Variants in VIRMA observed in about 807,000 individuals in gnomAD.
VIRMA encodes vir like m6A methyltransferase associated, also known as protein virilizer homolog.
VIRMA carries 65 observed loss-of-function variants against 182.4 expected under a neutral mutation model. The observed-to-expected ratio is 0.36, with a 90% CI of 0.29 to 0.44. The LOEUF is 0.44. Among genes scored for constraint, VIRMA ranks in the 20% least tolerant of loss-of-function variants. VIRMA has a pLI of 1.00. For missense variants in VIRMA, 1,752 were observed against 2,158.1 expected (o/e 0.81, Z 3.73); for synonymous variants, 709 against 743.1 (o/e 0.95, Z 0.75).
At chr8:94,547,324 T>C (rs1426371110) in intron 1 of VIRMA, among the ~76,000 whole-genome samples, 3 of 151,196 alleles carry the variant, frequency 2.0e-5, no homozygotes, top group Admixed American at 6.6e-5. Context: ...GGAAGGTTCA[T>C]GATCAGGAAA....
intron 2 of VIRMA, among the ~76,000 whole-genome samples, chr8:94,538,860 C>T (rs1049349776): frequency 2.6e-5 from 4 of 152,084 alleles, no homozygotes; most frequent in African/African-American, 9.7e-5. Flanking sequence ...GAGATTCACC[C>T]GTCTCAGCCT....
At chr8:94,530,357 C>T (rs1050464094) in intron 6 of VIRMA, among the ~76,000 whole-genome samples, 12 of 151,762 alleles carry the variant, frequency 7.9e-5, no homozygotes, top group Non-Finnish European at 4.4e-5. Flanking sequence ...ATTAGCCAGG[C>T]GTGGTGGTAT....
At chr8:94,499,586 C>G in intron 16 of VIRMA, 80 bp from the exon 17 acceptor site, 1 of 1,024,956 alleles carries the variant, frequency 9.8e-7, no homozygotes, top group Non-Finnish European at 1.4e-6. Context: ...GAACTCACTT[C>G]AGACAGAATA....
At chr8:94,508,325 C>T (rs890631864) in intron 15 of VIRMA, among the ~76,000 whole-genome samples, 1 of 152,102 alleles carries the variant, frequency 6.6e-6, no homozygotes, top group African/African-American at 2.4e-5. Flanking sequence ...ATCTCGTGAT[C>T]CACCCATCTC....
At chr8:94,496,762 G>A in intron 17 of VIRMA, 2 of 282,756 alleles carry the variant, frequency 7.1e-6, no homozygotes, top group Admixed American at 1.0e-4. Flanking sequence ...TGTAGGACGT[G>A]ACACACTGAT....
At chr8:94,546,758 T>C in intron 1 of VIRMA, 1 of 372,986 alleles carries the variant, frequency 2.7e-6, no homozygotes, top group South Asian at 2.0e-5. Flanking sequence ...TGTATCATTC[T>C]TACGCCTTTG....
rs1439033369 is a variant in VIRMA at position 94,492,783 on chromosome 8, G to A, written c.4677C>T (p.Cys1559=). 6.2e-7 allele frequency: 1 copy of A among 1,613,618 alleles called. No individual in the cohort carries two copies. The highest frequency in any genetic ancestry group is 1.7e-5 in the Admixed American group (1 of 59,976). ...CTGAGTGCAAATCAAAGTCACTACA[G>A]CATTTTTCAGAGAGTTCAATTAAGT... ...KVDLIELSEK[C]CSDFDLHSEL... is the part of the protein sequence containing the mutation. Residue 1559 remains cysteine (C), a synonymous_variant, in exon 21 of 24, where the codon TGC becomes TGT. Transcript: ENST00000297591.
intron 5 of VIRMA, among the ~76,000 whole-genome samples, chr8:94,532,834 G>A (rs772058531): frequency 6.6e-6 from 1 of 152,020 alleles, no homozygotes. Flanking sequence ...GGTGGCACAC[G>A]TCTATAGTCC....
intron 1 of VIRMA, among the ~76,000 whole-genome samples, chr8:94,549,474 C>T (rs963208441): frequency 1.3e-5 from 2 of 152,250 alleles, no homozygotes; most frequent in Non-Finnish European, 2.9e-5. Flanking sequence ...CTAATTATCC[C>T]GTTCCCATCA....
At chr8:94,525,085 G>T (rs1263126508) in intron 8 of VIRMA, among the ~76,000 whole-genome samples, 1 of 152,120 alleles carries the variant, frequency 6.6e-6, no homozygotes, top group African/African-American at 2.4e-5. Flanking sequence ...TGTTCACTTT[G>T]GGCCTCTCTA....
In VIRMA at chr8:94,488,564, A is replaced by C. The variant is rs1813519261; in HGVS notation, c.*142T>G. ...TTTATTGAAATCTTGTTAGGTATCA[A>C]ACAAATTCTGCTTTCTTCAGATAAA... On this transcript the variant is annotated 3_prime_UTR_variant, in exon 24 of 24. Transcript: ENST00000297591. 4.1e-6 allele frequency: 3 copies of C among 726,862 alleles called. No homozygotes were observed. The highest frequency in any genetic ancestry group is 4.2e-6 in the Non-Finnish European group (2 of 472,636). The allele number at this position is 726,862 out of a possible 1,614,324, so 45.0% of individuals were successfully genotyped here.
chr8:94,500,817 C>T (rs373294104), intron 16 of VIRMA, among the ~76,000 whole-genome samples: 1 of 151,976 alleles, frequency 6.6e-6, no homozygotes, highest in Non-Finnish European at 1.5e-5. Context: ...TTATTCATAA[C>T]CACCAAAATT....
intron 10 of VIRMA, 76 bp from the exon 11 acceptor site, chr8:94,515,027 G>C (rs559393791): frequency 1.4e-6 from 1 of 725,328 alleles, no homozygotes; most frequent in African/African-American, 1.8e-5. Context: ...TTTTTCCAAA[G>C]AAAATCATTA....
intron 11 of VIRMA, among the ~76,000 whole-genome samples, chr8:94,512,611 T>C (rs1028460355): frequency 6.6e-6 from 1 of 151,998 alleles, no homozygotes; most frequent in Non-Finnish European, 1.5e-5. Flanking sequence ...ACCCTGCCTC[T>C]ACAAAATATT....
intron 7 of VIRMA, 141 bp downstream of exon 7, chr8:94,528,929 T>C (rs548113147): frequency 6.1e-4 from 607 of 992,038 alleles, no homozygotes; most frequent in Non-Finnish European, 8.7e-4. Flanking sequence ...TTTCTAGTCA[T>C]GCCTTGAGGC....
chr8:94,532,094 G>A (rs567446471), intron 5 of VIRMA, among the ~76,000 whole-genome samples: 1 of 152,066 alleles, frequency 6.6e-6, no homozygotes, highest in South Asian at 2.1e-4. Context: ...GTATTTTGGG[G>A]TTTTGTTTCT....
Position 94,491,910 on chromosome 8 carries a change from C to A in VIRMA, c.4809-1G>T. 1 of 1,525,896 alleles carries A rather than the reference C, an allele frequency of 6.6e-7. No homozygotes were observed. The highest frequency in any genetic ancestry group is 1.3e-5 in the South Asian group (1 of 77,314). 94.5% of individuals were successfully genotyped at this position (1,525,896 alleles called of 1,614,324 possible). ...AGGTTCAATGTATTCAGATTTTCCA[C>A]TATTAAAACAAAAACATGCCATAAA... is the stretch of plus-strand genomic sequence containing the variant. On this transcript the variant is annotated splice_acceptor_variant, in intron 21 of 23. Coordinates refer to ENST00000297591, the MANE Select transcript of VIRMA (RefSeq NM_015496.5). LOFTEE classifies it high-confidence loss of function.
At position 94,509,668 on chromosome 8, in the gene VIRMA, TATAAA is replaced by T; in HGVS notation, c.3879+15_3879+19del. On this transcript the variant is annotated intron_variant, in intron 15 of 23. Transcript: ENST00000297591. The stretch of plus-strand genomic sequence containing the variant: ...CACATACACATGCAGAGAGAGACTT[TATAAA>T]ATAACTATAAATACCTGATCACAGA... 6.3e-7 allele frequency: 1 copy of T among 1,596,188 alleles called. No homozygotes were observed.
chr8:94,496,373 T>C lies in VIRMA; in HGVS notation c.4338A>G (p.Glu1446=). 1 of 1,613,332 alleles carries C rather than the reference T, an allele frequency of 6.2e-7. No homozygotes were observed. Among genetic ancestry groups the C allele is most frequent in the South Asian group, 1.1e-5 (1 of 90,716 alleles). The change falls in exon 18 of 24, where the codon GAA becomes GAG. Residue 1446 remains glutamate, a synonymous_variant. Transcript: ENST00000297591. The part of the protein sequence containing the change: ...AELKQLLQSK[E]ESPENLFLEL... Reference sequence around the variant, plus strand: ...CAAGGAACAAATTTTCTGGACTTTCTTCTTTGCTTTGTAGAAGCTGTTTTA... The same window carrying C: ...CAAGGAACAAATTTTCTGGACTTTCCTCTTTGCTTTGTAGAAGCTGTTTTA...
Sources: allele counts gnomAD v4.1 joint callset (sites outside exome capture counted in the v4.1 genomes callset), GRCh38; gene constraint gnomAD v4.1.1; transcripts MANE v1.5; gene names NCBI Gene and HGNC (gene_info 2026-07-23, HGNC 2026-07-21).